Variants in USP46 observed in about 807,000 individuals in gnomAD.
USP46 encodes ubiquitin carboxyl-terminal hydrolase 46.
Under a neutral mutation model 44.4 loss-of-function variants are expected in USP46, and 12 were observed. The ratio of observed to expected loss-of-function variants is 0.27; its 90% CI spans 0.17 to 0.44. The LOEUF (loss-of-function observed/expected upper bound fraction) is 0.44, where lower values mean the gene tolerates loss of function less well. USP46 is among the 20% of genes least tolerant of loss of function. The pLI is 1.00. For synonymous variants in USP46, 155 were observed against 161.5 expected, an observed-to-expected ratio of 0.96 and a Z score of 0.31; for missense variants, 248 against 444.8, an observed-to-expected ratio of 0.56 and a Z score of 3.98.
intron 8 of USP46, 88 bp from the exon 9 acceptor site, chr4:52,597,829 T>C: frequency 1.1e-6 from 1 of 939,702 alleles, no homozygotes; most frequent in Admixed American, 3.1e-5. Context: ...TATATTAAAA[T>C]GCAAGGAACA....
At chr4:52,621,877 G>A (rs1017397376) in intron 4 of USP46, among the ~76,000 whole-genome samples, 2 of 152,014 alleles carry the variant, frequency 1.3e-5, no homozygotes, top group African/African-American at 4.8e-5. Flanking sequence ...TAGAAGAACA[G>A]AAAAACAAAC....
chr4:52,622,815 T>G (rs60763097), intron 4 of USP46, among the ~76,000 whole-genome samples: 250 of 152,274 alleles, frequency 1.6e-3, no homozygotes, highest in African/African-American at 5.7e-3. Flanking sequence ...TGGTGTGCAT[T>G]CCAGACAGAA....
intron 1 of USP46, among the ~76,000 whole-genome samples, chr4:52,646,711 C>G (rs1718561327): frequency 6.6e-6 from 1 of 152,092 alleles, no homozygotes; most frequent in South Asian, 2.1e-4. Context: ...TCCCTACAGA[C>G]TCTGAAAATA....
Position 52,593,422 on chromosome 4 carries a change from C to T in USP46, c.*4218G>A, listed in dbSNP as rs186428903. The T allele has an allele frequency of 4.6e-5, 7 of 153,078 alleles. No homozygotes were observed. The highest frequency in any genetic ancestry group is 3.3e-4 in the Admixed American group (5 of 15,326). 9.5% of individuals were successfully genotyped at this position (153,078 alleles called of 1,614,324 possible). On this transcript the variant is annotated 3_prime_UTR_variant, in exon 9 of 9. Coordinates refer to ENST00000441222, the MANE Select transcript of USP46 (RefSeq NM_022832.4). ...GAGAAGATGGACAGCAGCTGGGAGA[C>T]TCAACACTTACTGGCACATTCCCTG...
intron 5 of USP46, among the ~76,000 whole-genome samples, chr4:52,607,262 G>A (rs1716722893): frequency 6.6e-6 from 1 of 152,186 alleles, no homozygotes; most frequent in Non-Finnish European, 1.5e-5. Flanking sequence ...TCCATGAGTT[G>A]AGAATTAGAA....
chr4:52,631,736 T>C (rs1643912865), intron 1 of USP46, among the ~76,000 whole-genome samples: 2 of 152,170 alleles, frequency 1.3e-5, no homozygotes, highest in Non-Finnish European at 1.5e-5. Context: ...CTGGGTGCAG[T>C]GTCTCATGCC....
intron 1 of USP46, among the ~76,000 whole-genome samples, chr4:52,657,600 A>C (rs1719003170): frequency 6.6e-6 from 1 of 152,156 alleles, no homozygotes; most frequent in Non-Finnish European, 1.5e-5. Context: ...TTCCCTCAGG[A>C]ACTGGTCGTA....
Position 52,601,976 on chromosome 4 carries a change from G to T in USP46, c.801C>A (p.Tyr267Ter). 6.2e-7 allele frequency: 1 copy of T among 1,614,012 alleles called. No individual in the cohort carries two copies. The highest frequency in any genetic ancestry group is 8.5e-7 in the Non-Finnish European group (1 of 1,179,886). ...AGACCACACGGTAAGACAGCTTGGT[G>T]TATCTGTGCAGCTGCTCCATGTACT... Reference protein sequence around the residue: ...RFKYMEQLHRYTKLSYRVVFP... With the variant: ...RFKYMEQLHR Residue 267 changes from tyrosine (Y) to a stop codon, truncating the protein, a stop_gained, in exon 7 of 9, where the codon TAC becomes TAA. Coordinates refer to ENST00000441222, the MANE Select transcript of USP46 (RefSeq NM_022832.4). LOFTEE classifies it high-confidence loss of function.
chr4:52,600,654 C>T (rs559821964), intron 7 of USP46, among the ~76,000 whole-genome samples: 2 of 152,120 alleles, frequency 1.3e-5, no homozygotes, highest in Non-Finnish European at 2.9e-5. Context: ...ACTGAAAGTC[C>T]TGTGTACCCT....
intron 2 of USP46, 48 bp downstream of exon 2, chr4:52,631,016 C>T: frequency 6.7e-7 from 1 of 1,493,112 alleles, no homozygotes; most frequent in African/African-American, 1.4e-5. Flanking sequence ...GGAGTTGCTT[C>T]ATATACCCTA....
Position 52,593,234 on chromosome 4 carries a change from G to C in USP46, c.*4406C>G, listed in dbSNP as rs961140948. 1.1e-5 allele frequency: 3 copies of C among 278,028 alleles called. No individual in the cohort carries two copies. Among genetic ancestry groups the C allele is most frequent in the Non-Finnish European group, 2.0e-5 (3 of 150,606 alleles). The allele number at this position is 278,028 out of a possible 1,614,324, so 17.2% of individuals were successfully genotyped here. A position where few individuals can be genotyped will look rare whatever the true frequency, so the allele number is the denominator to read the frequency against. On this transcript the variant is annotated 3_prime_UTR_variant, in exon 9 of 9. Transcript: ENST00000441222. Reference sequence around the variant, plus strand: ...CATTCTCTAGAATTTGTGTCACCTTGGTAGTGACAGGCCTGTCCTATAAAT... The same window carrying C: ...CATTCTCTAGAATTTGTGTCACCTTCGTAGTGACAGGCCTGTCCTATAAAT...
chr4:52,641,459 G>T (rs1160096073), intron 1 of USP46, among the ~76,000 whole-genome samples: 1 of 152,178 alleles, frequency 6.6e-6, no homozygotes, highest in Non-Finnish European at 1.5e-5. Context: ...TCCCAGGAAG[G>T]ATGATTCATA....
intron 4 of USP46, among the ~76,000 whole-genome samples, chr4:52,618,576 A>G (rs1157127554): frequency 2.0e-5 from 3 of 152,168 alleles, no homozygotes; most frequent in Admixed American, 1.3e-4. Flanking sequence ...CTAACTCTAA[A>G]TAAATAAATA....
In USP46 at chr4:52,596,436, G is replaced by C. The variant is rs550227482; in HGVS notation, c.*1204C>G. The C allele has an allele frequency of 6.6e-5, 10 of 152,190 alleles. No individual in the cohort carries two copies. Among genetic ancestry groups the C allele is most frequent in the African/African-American group, 2.4e-5 (1 of 41,438 alleles). The allele number at this position is 152,190 out of a possible 1,614,324, so 9.4% of individuals were successfully genotyped here. On this transcript the variant is annotated 3_prime_UTR_variant, in exon 9 of 9. Transcript: ENST00000441222. ...CAAAAGTGAAAAAAGTAACTATAGTGAGATGAGGTTCTTCCAAAAAAATTC... is the reference window on the plus strand; with the variant it reads ...CAAAAGTGAAAAAAGTAACTATAGTCAGATGAGGTTCTTCCAAAAAAATTC...
At chr4:52,648,836 C>G (rs1718651893) in intron 1 of USP46, among the ~76,000 whole-genome samples, 1 of 152,206 alleles carries the variant, frequency 6.6e-6, no homozygotes, top group Non-Finnish European at 1.5e-5. Context: ...GGACCTACCT[C>G]TAGTTTGCCC....
intron 1 of USP46, among the ~76,000 whole-genome samples, chr4:52,644,827 G>A (rs1456161255): frequency 6.6e-6 from 1 of 151,882 alleles, no homozygotes; most frequent in Non-Finnish European, 1.5e-5. Context: ...AGAGGCCGAG[G>A]TGGGTGGATC....
intron 7 of USP46, among the ~76,000 whole-genome samples, chr4:52,600,265 G>A (rs1716416638): frequency 6.6e-6 from 1 of 152,134 alleles, no homozygotes; most frequent in Admixed American, 6.6e-5. Flanking sequence ...ACTTGCAGCA[G>A]AAATCAGTGC....
intron 4 of USP46, among the ~76,000 whole-genome samples, chr4:52,625,602 G>A (rs751881318): frequency 6.6e-6 from 1 of 152,124 alleles, no homozygotes. Context: ...AAAAACAGGA[G>A]TCTAGCCTGT....
In USP46 at chr4:52,596,776, A is replaced by G. The variant is rs1716260990; in HGVS notation, c.*864T>C. Reference sequence around the variant, plus strand: ...CAGCCCTGCAGCCATTGACTGCCACATCAGCAGGATTGGAAAGATACCTTG... The same window carrying G: ...CAGCCCTGCAGCCATTGACTGCCACGTCAGCAGGATTGGAAAGATACCTTG... On this transcript the variant is annotated 3_prime_UTR_variant, in exon 9 of 9. Coordinates refer to ENST00000441222, the MANE Select transcript of USP46 (RefSeq NM_022832.4). 1 of 152,680 alleles carries G rather than the reference A, an allele frequency of 6.5e-6. No homozygotes were observed. The highest frequency in any genetic ancestry group is 1.5e-5 in the Non-Finnish European group (1 of 68,064). 9.5% of individuals were successfully genotyped at this position (152,680 alleles called of 1,614,324 possible).
Sources: gnomAD v4.1 joint callset for allele counts (sites outside exome capture counted in the v4.1 genomes callset) on GRCh38, gnomAD v4.1.1 for gene constraint, MANE v1.5 for transcripts, NCBI Gene and HGNC (gene_info 2026-07-23, HGNC 2026-07-21) for gene names.